Variants in SLC12A2 observed in about 807,000 individuals in gnomAD.
The protein encoded by SLC12A2 is Na-K-2Cl cotransporter 1.
In SLC12A2, 67 loss-of-function variants were observed where a neutral mutation model predicts 136.3. That is an observed-to-expected ratio of 0.49 (90% CI 0.40 to 0.60). The LOEUF is 0.60. SLC12A2 is among the 20% of genes least tolerant of loss of function. The pLI, the probability that SLC12A2 is intolerant of heterozygous loss-of-function variation, is 0.00. For synonymous variants in SLC12A2, 619 were observed against 562.9 expected, an observed-to-expected ratio of 1.10 and a Z score of -1.41; for missense variants, 1,322 against 1,534.7, an observed-to-expected ratio of 0.86 and a Z score of 2.32.
At chr5:128,142,624 T>C (rs1360262933) in intron 10 of SLC12A2, among the ~76,000 whole-genome samples, 1 of 152,148 alleles carries the variant, frequency 6.6e-6, no homozygotes, top group African/African-American at 2.4e-5. Flanking sequence ...CATGGTCATA[T>C]TTGTATGGGT....
chr5:128,127,959 AT>A (rs1238341896), intron 4 of SLC12A2, among the ~76,000 whole-genome samples: 2 of 151,712 alleles, frequency 1.3e-5, no homozygotes, highest in African/African-American at 4.8e-5. Context: ...ATATATCCTC[AT>A]TTTTTAGTAT....
intron 11 of SLC12A2, among the ~76,000 whole-genome samples, chr5:128,148,502 T>G (rs903591253): frequency 6.6e-6 from 1 of 151,830 alleles, no homozygotes; most frequent in African/African-American, 2.4e-5. Context: ...TTCTGTGATT[T>G]CTTCTTCATA....
chr5:128,171,680 A>G lies in SLC12A2; in HGVS notation c.2737A>G (p.Ile913Val), dbSNP rs892131524. ...TTTTGTTCTTAGTGATGCTTTTGAC[A>G]TACAATATGGAGTAGTGGTTATTCG... ...YINLFHDAFDIQYGVVVIRLK... is the reference protein window; with the variant it reads ...YINLFHDAFDVQYGVVVIRLK... The change falls in exon 19 of 27, where the codon ATA becomes GTA. Residue 913 changes from isoleucine to valine, a missense_variant. Coordinates refer to ENST00000262461, the MANE Select transcript of SLC12A2 (RefSeq NM_001046.3). 6.4e-7 allele frequency: 1 copy of G among 1,574,608 alleles called. No homozygotes were observed. Among genetic ancestry groups the G allele is most frequent in the Non-Finnish European group, 8.6e-7 (1 of 1,166,804 alleles).
intron 17 of SLC12A2, among the ~76,000 whole-genome samples, chr5:128,166,316 T>C (rs943530384): frequency 5.9e-5 from 9 of 152,008 alleles, no homozygotes; most frequent in African/African-American, 1.7e-4. Flanking sequence ...CTTAATAGCA[T>C]TGGATTTGTT....
rs1424338466 is a variant in SLC12A2, at chr5:128,150,038, C to G, written c.2047C>G (p.Leu683Val). The part of the protein sequence containing the change: ...VIAPIISNFF[L>V]ASYALINFSV... ...TGCACCAATTATCTCAAACTTCTTC[C>G]TTGCATCATATGCATTGATCAATTT... The change falls in exon 13 of 27, where the codon CTT (leucine) becomes GTT (valine). Residue 683 changes from leucine (L) to valine (V), a missense_variant. Around this residue, in one of 8 missense-constraint regions of SLC12A2, gnomAD observed 294 missense variants for 436.6 expected, o/e 0.67. Coordinates refer to ENST00000262461, the MANE Select transcript of SLC12A2 (RefSeq NM_001046.3). The G allele has an allele frequency of 1.2e-6, 2 of 1,611,106 alleles. No individual in the cohort carries two copies. The highest frequency in any genetic ancestry group is 1.7e-6 in the Non-Finnish European group (2 of 1,178,642).
At chr5:128,154,069 A>AAC (rs1554107894) in intron 15 of SLC12A2, among the ~76,000 whole-genome samples, 7 of 73,990 alleles carry the variant, frequency 9.5e-5, no homozygotes, top group Admixed American at 3.0e-4. Flanking sequence ...AAAAAAAAAC[A>AAC]AAAAAAAAAA....
At chr5:128,160,488 CG>C (rs1038775746) in intron 16 of SLC12A2, among the ~76,000 whole-genome samples, 53 of 152,016 alleles carry the variant, frequency 3.5e-4, no homozygotes, top group African/African-American at 9.9e-4. Flanking sequence ...TAAATATCTC[CG>C]GGGGAAGTAA....
At position 128,148,874 on chromosome 5, in the gene SLC12A2, A is replaced by G. The variant is rs1762611257; in HGVS notation, c.2002A>G (p.Ile668Val). The G allele has an allele frequency of 1.9e-6, 3 of 1,594,582 alleles. No homozygotes were observed. The African/African-American group carries it at 4.1e-5, about 22-fold the overall frequency. ...CTTAATTGCACTTGGATTCATCTTA[A>G]TTGGTTAGTTATATAAATGGTGTGT... ...TFLIALGFIL[I>V]AELNVIAPII... Residue 668 changes from isoleucine (I) to valine (V), a missense_variant, in exon 12 of 27, where the codon ATT (isoleucine) becomes GTT (valine). Coordinates refer to ENST00000262461, the MANE Select transcript of SLC12A2 (RefSeq NM_001046.3).
At chr5:128,178,779 C>G in intron 22 of SLC12A2, 90 bp downstream of exon 22, 2 of 998,548 alleles carry the variant, frequency 2.0e-6, no homozygotes, top group South Asian at 5.9e-5. Flanking sequence ...CCTGTGGACC[C>G]CATTCAAATT....
chr5:128,088,007 CTG>C (rs58191870), intron 1 of SLC12A2, among the ~76,000 whole-genome samples: 1,466 of 140,308 alleles, frequency 0.01, 10 homozygotes, highest in East Asian at 0.018. Context: ...GGAGGAGGCT[CTG>C]TGTGTGTGTG....
intron 15 of SLC12A2, among the ~76,000 whole-genome samples, chr5:128,156,465 T>G (rs1489678751): frequency 6.6e-6 from 1 of 152,218 alleles, no homozygotes; most frequent in Admixed American, 6.5e-5. Context: ...TAATAAACTT[T>G]GTACTGTACC....
rs1760020543 is a variant in SLC12A2, at chr5:128,084,773, C to T, written c.756+63C>T. The stretch of plus-strand genomic sequence containing the variant: ...GGTGCATGCCGACCGCGGGATGTGG[C>T]TGCAGACTCTTCCCGAGTTGAGGTG... On this transcript the variant is annotated intron_variant, in intron 1 of 26. Transcript: ENST00000262461. The surrounding 1 kb of genome is among the most constrained non-coding windows in gnomAD (Gnocchi z 5.6). The T allele has an allele frequency of 6.8e-7, 1 of 1,465,448 alleles. No individual in the cohort carries two copies. The highest frequency in any genetic ancestry group is 9.1e-7 in the Non-Finnish European group (1 of 1,101,708). The allele number at this position is 1,465,448 out of a possible 1,614,324, so 90.8% of individuals were successfully genotyped here.
rs570428789 is a variant in SLC12A2 at position 128,167,310 on chromosome 5, A to G, written c.2617-451A>G. Among the ~76,000 whole-genome samples the G allele has an allele frequency of 5.3e-5, 8 of 152,222 alleles. No individual in the cohort carries two copies. The South Asian group carries it at 1.7e-3, about 32-fold the overall frequency. On this transcript the variant is annotated intron_variant, in intron 17 of 26. Coordinates refer to ENST00000262461, the MANE Select transcript of SLC12A2 (RefSeq NM_001046.3). ...ATTAACTAGCCAGATGTCAGCAAAA[A>G]CTTTTGCATGATTGGTAGAACAAAT...
At chr5:128,130,522 A>G (rs1466807264) in intron 4 of SLC12A2, among the ~76,000 whole-genome samples, 2 of 150,586 alleles carry the variant, frequency 1.3e-5, no homozygotes, top group South Asian at 4.2e-4. Context: ...CTCAAAAAAA[A>G]AAAAAAAAAA....
intron 1 of SLC12A2, chr5:128,110,224 A>G (rs1761092426): frequency 1.2e-6 from 1 of 807,042 alleles, no homozygotes; most frequent in South Asian, 1.3e-5. Flanking sequence ...AAAAAAAGAA[A>G]TCCAATTCAA....
chr5:128,178,754 G>T, intron 22 of SLC12A2, 65 bp downstream of exon 22: 2 of 1,275,548 alleles, frequency 1.6e-6, no homozygotes, highest in Non-Finnish European at 1.1e-6. Flanking sequence ...AGTAAGAAAT[G>T]ACATGCACTC....
Position 128,147,801 on chromosome 5 carries a change from C to T in SLC12A2, c.1881+72C>T. ...AATACTTCTCAATTTAGAATTGTTG[C>T]TATTTTCAAATTATTTGCTTCTATC... On this transcript the variant is annotated intron_variant, in intron 11 of 26. Transcript: ENST00000262461. The T allele has an allele frequency of 5.4e-6, 5 of 922,184 alleles. No homozygotes were observed. In the South Asian group the frequency reaches 7.5e-5, roughly 14 times the overall value. The allele number at this position is 922,184 out of a possible 1,614,324, so 57.1% of individuals were successfully genotyped here. A position where few individuals can be genotyped will look rare whatever the true frequency, so the allele number is the denominator to read the frequency against.
chr5:128,148,729 T>C, intron 11 of SLC12A2, 25 bp from the exon 12 acceptor site: 1 of 1,549,614 alleles, frequency 6.5e-7, no homozygotes, highest in East Asian at 2.3e-5. Flanking sequence ...TTAATATGTT[T>C]CATTTTAATG....
intron 1 of SLC12A2, among the ~76,000 whole-genome samples, chr5:128,095,598 C>T (rs533386075): frequency 9.2e-5 from 14 of 152,170 alleles, no homozygotes; most frequent in African/African-American, 1.4e-4. Flanking sequence ...TTACAACCTG[C>T]GGGCCACATG....
Sources: gnomAD v4.1 joint callset for allele counts (sites outside exome capture counted in the v4.1 genomes callset) on GRCh38, gnomAD v4.1.1 for gene constraint, gnomAD v4.1.1 regional missense constraint, Gnocchi (gnomAD v3.1) non-coding constraint, MANE v1.5 for transcripts, NCBI Gene and HGNC (gene_info 2026-07-23, HGNC 2026-07-21) for gene names.